The following GRIN2A variants were observed in gnomAD, a reference collection of about 807,000 sequenced individuals.
The protein encoded by GRIN2A is glutamate ionotropic receptor NMDA type subunit 2A, also known as glutamate receptor ionotropic, NMDA 2A.
A neutral mutation model predicts 113.4 loss-of-function variants in GRIN2A; 22 were observed. That is an observed-to-expected ratio of 0.19 (90% CI 0.14 to 0.28). The LOEUF (loss-of-function observed/expected upper bound fraction) is 0.28, where lower values mean the gene tolerates loss of function less well. GRIN2A is among the 10% of genes least tolerant of loss of function. GRIN2A has a pLI of 1.00. For synonymous variants in GRIN2A, 827 were observed against 738.4 expected (o/e 1.12, Z -1.94); for missense variants, 1,502 against 1,887.0 (o/e 0.80, Z 3.78).
At chr16:9,916,796 G>A (rs1054424356) in intron 3 of GRIN2A, among the ~76,000 whole-genome samples, 2 of 152,128 alleles carry the variant, frequency 1.3e-5, no homozygotes, top group Non-Finnish European at 2.9e-5. Context: ...CTTTTACAAG[G>A]CAGAGATGGA....
At position 9,764,147 on chromosome 16, in the gene GRIN2A, G is replaced by A. The variant is rs1900748543; in HGVS notation, c.3397C>T (p.Pro1133Ser). The change falls in exon 13 of 13, where the codon CCC becomes TCC. Residue 1133 changes from proline (P) to serine (S), a missense_variant. Coordinates refer to ENST00000330684, the MANE Select transcript of GRIN2A (RefSeq NM_001134407.3). ...EKEPGFHLDP[P>S]QFVENVTLPE... ...AGGGTCACATTTTCAACAAACTGGGGTGGATCTAAGTGGAAACCAGGCTCC... is the reference window on the plus strand; with the variant it reads ...AGGGTCACATTTTCAACAAACTGGGATGGATCTAAGTGGAAACCAGGCTCC... 6.2e-7 allele frequency: 1 copy of A among 1,613,530 alleles called. No individual in the cohort carries two copies.
rs1165169998 is a variant in GRIN2A, at chr16:9,869,102, C to T, written c.1123-19141G>A. On this transcript the variant is annotated intron_variant, in intron 4 of 12. Coordinates refer to ENST00000330684, the MANE Select transcript of GRIN2A (RefSeq NM_001134407.3). ...TGCCTTTATGGCCCTCGTACCCAGCCCAGGGCTGCTTACATAATAGATGCA... is the reference window on the plus strand; with the variant it reads ...TGCCTTTATGGCCCTCGTACCCAGCTCAGGGCTGCTTACATAATAGATGCA... Among the ~76,000 whole-genome samples the T allele has an allele frequency of 5.3e-5, 8 of 152,200 alleles. No homozygotes were observed. The East Asian group carries it at 7.7e-4, about 15-fold the overall frequency.
intron 2 of GRIN2A, among the ~76,000 whole-genome samples, chr16:10,125,844 G>A (rs1383400310): frequency 6.6e-6 from 1 of 152,114 alleles, no homozygotes; most frequent in East Asian, 1.9e-4. Flanking sequence ...GGATGCTTAA[G>A]GGCCAGTCTT....
intron 5 of GRIN2A, among the ~76,000 whole-genome samples, chr16:9,841,662 G>T (rs907630035): frequency 6.6e-6 from 1 of 152,150 alleles, no homozygotes; most frequent in Non-Finnish European, 1.5e-5. Flanking sequence ...GGAGACCTGG[G>T]TTCTATTCCA....
intron 2 of GRIN2A, among the ~76,000 whole-genome samples, chr16:10,005,979 T>C (rs1339600799): frequency 1.3e-5 from 2 of 152,248 alleles, no homozygotes; most frequent in African/African-American, 2.4e-5. Flanking sequence ...TTTACCTCAA[T>C]ATTACAGCTT....
intron 12 of GRIN2A, 141 bp downstream of exon 12, chr16:9,768,710 C>T (rs1244387999): frequency 6.5e-6 from 5 of 766,504 alleles, no homozygotes; most frequent in South Asian, 4.1e-5. Context: ...CTTATGAATG[C>T]ACAAAATCTG....
intron 3 of GRIN2A, among the ~76,000 whole-genome samples, chr16:9,928,684 ACCT>A (rs1214467260): frequency 3.3e-5 from 5 of 151,356 alleles, no homozygotes; most frequent in Admixed American, 6.6e-5. Context: ...AAGCCCCATC[ACCT>A]CCTCATCTGT....
intron 7 of GRIN2A, among the ~76,000 whole-genome samples, chr16:9,840,149 T>G (rs920874016): frequency 6.6e-6 from 1 of 152,016 alleles, no homozygotes; most frequent in African/African-American, 2.4e-5. Flanking sequence ...TTGGGTAAAT[T>G]TATAAAGGAA....
intron 2 of GRIN2A, among the ~76,000 whole-genome samples, chr16:9,985,704 G>C (rs1355133993): frequency 6.6e-6 from 1 of 152,098 alleles, no homozygotes; most frequent in Non-Finnish European, 1.5e-5. Flanking sequence ...GCTAGGAAGG[G>C]TAGTTGGGGG....
At chr16:10,118,713 G>T (rs1331748461) in intron 2 of GRIN2A, among the ~76,000 whole-genome samples, 1 of 152,124 alleles carries the variant, frequency 6.6e-6, no homozygotes, top group Non-Finnish European at 1.5e-5. Flanking sequence ...AGAGAATTCT[G>T]CTAAACTCTC....
intron 2 of GRIN2A, among the ~76,000 whole-genome samples, chr16:10,108,301 G>A (rs1442191688): frequency 6.6e-6 from 1 of 152,162 alleles, no homozygotes; most frequent in Non-Finnish European, 1.5e-5. Context: ...GAAACCATTG[G>A]ATCTCATGAG....
At chr16:9,879,015 T>A (rs891206389) in intron 4 of GRIN2A, among the ~76,000 whole-genome samples, 2 of 152,212 alleles carry the variant, frequency 1.3e-5, no homozygotes, top group African/African-American at 4.8e-5. Flanking sequence ...TTTAAAATAG[T>A]CACTATGCGT....
At chr16:9,915,232 G>A (rs1345920846) in intron 3 of GRIN2A, among the ~76,000 whole-genome samples, 4 of 151,656 alleles carry the variant, frequency 2.6e-5, no homozygotes, top group Non-Finnish European at 5.9e-5. Context: ...CACCACTCCC[G>A]GCCAACTATA....
Position 9,863,135 on chromosome 16 carries a change from T to C in GRIN2A, c.1123-13174A>G, listed in dbSNP as rs574950382. On this transcript the variant is annotated intron_variant, in intron 4 of 12. Coordinates refer to ENST00000330684, the MANE Select transcript of GRIN2A (RefSeq NM_001134407.3). Reference sequence around the variant, plus strand: ...GGCAGGAGCTGTTACCACTGCCTGATATTTCCAAGGCTGCCATCCTATTTG... The same window carrying C: ...GGCAGGAGCTGTTACCACTGCCTGACATTTCCAAGGCTGCCATCCTATTTG... Among the ~76,000 whole-genome samples, 11 of 152,338 alleles carry C rather than the reference T, an allele frequency of 7.2e-5. No individual in the cohort carries two copies. The South Asian group carries it at 2.1e-3, about 29-fold the overall frequency.
intron 8 of GRIN2A, 82 bp from the exon 9 acceptor site, chr16:9,829,734 G>C: frequency 1.1e-6 from 1 of 901,714 alleles, no homozygotes; most frequent in East Asian, 2.5e-5. Flanking sequence ...GCAGCCACCA[G>C]CAGCACCGAA....
At chr16:10,009,238 G>C (rs1028053055) in intron 2 of GRIN2A, among the ~76,000 whole-genome samples, 9 of 152,214 alleles carry the variant, frequency 5.9e-5, no homozygotes, top group African/African-American at 2.2e-4. Context: ...AAAAATACTT[G>C]CTAGACACAT....
intron 2 of GRIN2A, among the ~76,000 whole-genome samples, chr16:10,120,305 A>C (rs962479107): frequency 6.6e-6 from 1 of 152,212 alleles, no homozygotes; most frequent in African/African-American, 2.4e-5. Flanking sequence ...ATGTTGCTAT[A>C]TATCTTACAA....
intron 2 of GRIN2A, among the ~76,000 whole-genome samples, chr16:10,172,439 C>T (rs982477314): frequency 6.6e-6 from 1 of 152,204 alleles, no homozygotes. Context: ...AGGAGCAGCC[C>T]CTGGAAGAGC....
intron 4 of GRIN2A, among the ~76,000 whole-genome samples, chr16:9,874,316 G>T (rs1173210482): frequency 1.3e-5 from 2 of 152,240 alleles, no homozygotes; most frequent in African/African-American, 4.8e-5. Flanking sequence ...TTACTGCAGG[G>T]GTGGGGACTG....
Sources: allele counts gnomAD v4.1 joint callset (sites outside exome capture counted in the v4.1 genomes callset), GRCh38; gene constraint gnomAD v4.1.1; transcripts MANE v1.5; gene names NCBI Gene and HGNC (gene_info 2026-07-23, HGNC 2026-07-21).